The following ALKBH5 variants were observed in gnomAD, a reference collection of about 807,000 sequenced individuals.
ALKBH5 encodes the protein alkB homolog 5, RNA demethylase.
Under a neutral mutation model 32.1 loss-of-function variants are expected in ALKBH5, and 2 were observed. That is an observed-to-expected ratio of 0.06 (90% CI 0.03 to 0.20). ALKBH5 has a LOEUF of 0.20. Among genes scored for constraint, ALKBH5 ranks in the 10% least tolerant of loss-of-function variants. The pLI is 1.00. For missense variants in ALKBH5, 352 were observed against 559.5 expected, an observed-to-expected ratio of 0.63 and a Z score of 3.74; for synonymous variants, 300 against 231.7, an observed-to-expected ratio of 1.29 and a Z score of -2.68.
At chr17:18,195,691 G>T (rs575305090) in intron 2 of ALKBH5, among the ~76,000 whole-genome samples, 1 of 152,344 alleles carries the variant, frequency 6.6e-6, no homozygotes, top group South Asian at 2.1e-4. Flanking sequence ...AGGCTGGAAT[G>T]CAGTGGTGCC....
At chr17:18,191,168 A>G (rs187803398) in intron 1 of ALKBH5, among the ~76,000 whole-genome samples, 63 of 152,344 alleles carry the variant, frequency 4.1e-4, no homozygotes, top group African/African-American at 1.5e-3. Flanking sequence ...CCTTAATAGT[A>G]AATAATACCC....
At chr17:18,207,497 C>T (rs2047275863) in intron 3 of ALKBH5, among the ~76,000 whole-genome samples, 1 of 151,988 alleles carries the variant, frequency 6.6e-6, no homozygotes, top group Non-Finnish European at 1.5e-5. Context: ...CCCGTCTCTA[C>T]TAAAAAATAC....
At chr17:18,201,139 G>A (rs1320102000) in intron 2 of ALKBH5, among the ~76,000 whole-genome samples, 1 of 152,354 alleles carries the variant, frequency 6.6e-6, no homozygotes, top group East Asian at 1.9e-4. Context: ...AGTGGGGTGA[G>A]GGGTGGCTAG....
At chr17:18,187,707 C>T (rs975417792) in intron 1 of ALKBH5, among the ~76,000 whole-genome samples, 5 of 152,144 alleles carry the variant, frequency 3.3e-5, no homozygotes, top group African/African-American at 9.7e-5. Context: ...TAGTGCCCGT[C>T]GTCAAATCCT....
Position 18,198,252 on chromosome 17 carries a change from AC to A in ALKBH5, c.851+3218del, listed in dbSNP as rs2047215711. On this transcript the variant is annotated intron_variant, in intron 2 of 3. Coordinates refer to ENST00000399138, the MANE Select transcript of ALKBH5 (RefSeq NM_017758.4). The stretch of plus-strand genomic sequence containing the variant: ...CCCTGTTTGGACTGTCACAGCTCAT[AC>A]GCTTGCCATTGTGAATTTTCAAATC... Among the ~76,000 whole-genome samples, 3 of 152,164 alleles carry A rather than the reference AC, an allele frequency of 2.0e-5. 1 individual carries two copies. In the South Asian group the frequency reaches 6.2e-4, roughly 31 times the overall value.
chr17:18,204,037 G>A (rs1163217102), intron 2 of ALKBH5, among the ~76,000 whole-genome samples: 1 of 152,206 alleles, frequency 6.6e-6, no homozygotes, highest in Non-Finnish European at 1.5e-5. Context: ...GGTACCAGAG[G>A]AGGGACTTTC....
chr17:18,204,009 T>C (rs1369299557), intron 2 of ALKBH5, among the ~76,000 whole-genome samples: 1 of 152,160 alleles, frequency 6.6e-6, no homozygotes, highest in African/African-American at 2.4e-5. Flanking sequence ...CTGGCACCTA[T>C]AGAGTCTTAG....
chr17:18,204,743 G>A (rs2047260052), intron 2 of ALKBH5, among the ~76,000 whole-genome samples: 1 of 151,370 alleles, frequency 6.6e-6, no homozygotes, highest in Non-Finnish European at 1.5e-5. Context: ...AGGAGCCCCT[G>A]TCTCAAAAAA....
intron 2 of ALKBH5, among the ~76,000 whole-genome samples, chr17:18,201,791 GATAA>G (rs57205192): frequency 0.051 from 4,522 of 89,488 alleles, 101 homozygotes; most frequent in African/African-American, 0.085. Context: ...AGATAGGATA[GATAA>G]GATAGATAGA....
Position 18,209,817 on chromosome 17 carries a change from G to A in ALKBH5, c.*1421G>A, listed in dbSNP as rs966213177. On this transcript the variant is annotated 3_prime_UTR_variant, in exon 4 of 4. Coordinates refer to ENST00000399138, the MANE Select transcript of ALKBH5 (RefSeq NM_017758.4). The stretch of plus-strand genomic sequence containing the variant: ...TTTGCCAGCGTGGATTTCTCAAGTC[G>A]GGACTGCATAATTAAAGCAGTTGCA... The A allele has an allele frequency of 2.0e-5, 3 of 152,576 alleles. No individual in the cohort carries two copies. The highest frequency in any genetic ancestry group is 6.5e-5 in the Admixed American group (1 of 15,274). 9.5% of individuals were successfully genotyped at this position (152,576 alleles called of 1,614,324 possible). A position where few individuals can be genotyped will look rare whatever the true frequency, so the allele number is the denominator to read the frequency against.
intron 2 of ALKBH5, among the ~76,000 whole-genome samples, chr17:18,197,559 A>T (rs1253138987): frequency 2.0e-5 from 3 of 152,196 alleles, no homozygotes; most frequent in African/African-American, 7.2e-5. Context: ...TCTTAGTTGG[A>T]TGTGCAGGTG....
At chr17:18,202,401 G>C (rs1447847384) in intron 2 of ALKBH5, among the ~76,000 whole-genome samples, 1 of 152,178 alleles carries the variant, frequency 6.6e-6, no homozygotes, top group African/African-American at 2.4e-5. Flanking sequence ...AGGGGAGTGG[G>C]TACTACTGCA....
At chr17:18,202,477 G>A (rs963546174) in intron 2 of ALKBH5, among the ~76,000 whole-genome samples, 2 of 152,152 alleles carry the variant, frequency 1.3e-5, no homozygotes, top group Non-Finnish European at 2.9e-5. Context: ...CTGGAGCTTA[G>A]ACCTTAGCTC....
chr17:18,207,697 A>G (rs2047277720), intron 3 of ALKBH5, among the ~76,000 whole-genome samples: 1 of 152,118 alleles, frequency 6.6e-6, no homozygotes, highest in Admixed American at 6.6e-5. Context: ...GTGTTGGGGA[A>G]GGTTTCCAAG....
At chr17:18,199,262 G>A (rs1395436500) in intron 2 of ALKBH5, among the ~76,000 whole-genome samples, 5 of 152,230 alleles carry the variant, frequency 3.3e-5, no homozygotes, top group Admixed American at 6.5e-5. Context: ...AGCTGCCGCA[G>A]CATGCAAGTC....
intron 1 of ALKBH5, among the ~76,000 whole-genome samples, chr17:18,186,847 T>G (rs1283401030): frequency 6.6e-6 from 1 of 152,154 alleles, no homozygotes; most frequent in Non-Finnish European, 1.5e-5. Flanking sequence ...CTCATTTGCT[T>G]TGGGATCTTG....
In ALKBH5 at chr17:18,206,877, G is replaced by T; in HGVS notation, c.914G>T (p.Ser305Ile). The change falls in exon 3 of 4, where the codon AGC becomes ATC. Residue 305 changes from serine (S) to isoleucine (I), a missense_variant. Coordinates refer to ENST00000399138, the MANE Select transcript of ALKBH5 (RefSeq NM_017758.4). ...CTGAGCAGCTCCGTGTTACCACCCA[G>T]CTATGCTTCAGATCGCCTGTCAGGA... ...KSLSSSVLPPSYASDRLSGNN... is the reference protein window; with the variant it reads ...KSLSSSVLPPIYASDRLSGNN... The T allele has an allele frequency of 6.2e-7, 1 of 1,614,224 alleles. No individual in the cohort carries two copies. Among genetic ancestry groups the T allele is most frequent in the Non-Finnish European group, 8.5e-7 (1 of 1,180,034 alleles).
At chr17:18,187,749 C>T (rs903703987) in intron 1 of ALKBH5, among the ~76,000 whole-genome samples, 2 of 152,168 alleles carry the variant, frequency 1.3e-5, no homozygotes, top group East Asian at 3.9e-4. Context: ...GGTGCTTTCT[C>T]TTTTCCTGGT....
At chr17:18,195,223 A>C (rs557352953) in intron 2 of ALKBH5, among the ~76,000 whole-genome samples, 188 bp downstream of exon 2, 1 of 152,230 alleles carries the variant, frequency 6.6e-6, no homozygotes, top group Non-Finnish European at 1.5e-5. Flanking sequence ...CAGAAAATTA[A>C]GTACTCTATT....
Sources: allele counts gnomAD v4.1 joint callset (sites outside exome capture counted in the v4.1 genomes callset), GRCh38; gene constraint gnomAD v4.1.1; transcripts MANE v1.5; gene names NCBI Gene and HGNC (gene_info 2026-07-23, HGNC 2026-07-21).